The following CNOT10 variants were observed in gnomAD, a reference collection of about 807,000 sequenced individuals.
CNOT10 encodes CCR4-NOT transcription complex, subunit 10.
CNOT10 carries 30 observed loss-of-function variants against 94.6 expected under a neutral mutation model. That is an observed-to-expected ratio of 0.32 (90% CI 0.24 to 0.43). The LOEUF (loss-of-function observed/expected upper bound fraction) is 0.43. Ranked by LOEUF, CNOT10 falls within the 20% of genes least tolerant of loss-of-function variation. The pLI, the probability that CNOT10 is intolerant of heterozygous loss-of-function variation, is 1.00. For synonymous variants in CNOT10, 289 were observed against 301.6 expected, an observed-to-expected ratio of 0.96 and a Z score of 0.43; for missense variants, 759 against 877.2, an observed-to-expected ratio of 0.87 and a Z score of 1.70.
intron 10 of CNOT10, among the ~76,000 whole-genome samples, chr3:32,729,979 G>A (rs973535230): frequency 4.0e-5 from 6 of 150,754 alleles, no homozygotes; most frequent in African/African-American, 9.7e-5. Flanking sequence ...CGTTTTAGCC[G>A]GGATGGTCTC....
At chr3:32,723,601 T>A (rs1174481422) in intron 8 of CNOT10, among the ~76,000 whole-genome samples, 4 of 152,120 alleles carry the variant, frequency 2.6e-5, no homozygotes. Flanking sequence ...CATGGCTAAA[T>A]TTGATCACAT....
At chr3:32,773,210 T>C (rs1268598906) in intron 18 of CNOT10, among the ~76,000 whole-genome samples, 2 of 152,198 alleles carry the variant, frequency 1.3e-5, no homozygotes, top group Non-Finnish European at 2.9e-5. Flanking sequence ...GTTCTCTACC[T>C]GGGCTATACC....
chr3:32,773,252 A>G (rs940622046), intron 18 of CNOT10, among the ~76,000 whole-genome samples: 3 of 152,086 alleles, frequency 2.0e-5, no homozygotes, highest in Non-Finnish European at 4.4e-5. Context: ...TTAAAATTCC[A>G]TTGCCTGGGC....
chr3:32,720,415 ACTT>A (rs1261470335), intron 8 of CNOT10, among the ~76,000 whole-genome samples, 184 bp downstream of exon 8: 1 of 151,822 alleles, frequency 6.6e-6, no homozygotes, highest in Non-Finnish European at 1.5e-5. Context: ...AAACCTCATT[ACTT>A]CTTGCTTTCA....
Position 32,719,607 on chromosome 3 carries a change from T to C in CNOT10, c.745-507T>C, listed in dbSNP as rs552623833. 2.0e-5 allele frequency among the ~76,000 whole-genome samples: 3 copies of C among 152,324 alleles called. No homozygotes were observed. In the South Asian group the frequency reaches 6.2e-4, roughly 32 times the overall value. Reference sequence around the variant, plus strand: ...GTGATCTTTGGAACAGCAAGATTAGTGCTTGCAAATAAGGCATTCTGTTGA... The same window carrying C: ...GTGATCTTTGGAACAGCAAGATTAGCGCTTGCAAATAAGGCATTCTGTTGA... On this transcript the variant is annotated intron_variant, in intron 7 of 18. Transcript: ENST00000328834.
intron 7 of CNOT10, among the ~76,000 whole-genome samples, chr3:32,718,258 CTTTTTTTT>C (rs376879885): frequency 2.6e-5 from 3 of 117,040 alleles, no homozygotes; most frequent in African/African-American, 9.5e-5. Flanking sequence ...CATTATCAAA[CTTTTTTTT>C]TTTTTTTTTT....
At chr3:32,750,847 G>A (rs1172262318) in intron 13 of CNOT10, among the ~76,000 whole-genome samples, 1 of 152,164 alleles carries the variant, frequency 6.6e-6, no homozygotes, top group Non-Finnish European at 1.5e-5. Context: ...ACCGGGCCCA[G>A]CTATATAACA....
intron 12 of CNOT10, among the ~76,000 whole-genome samples, chr3:32,735,916 C>T (rs1358678579): frequency 6.6e-6 from 1 of 151,996 alleles, no homozygotes; most frequent in African/African-American, 2.4e-5. Context: ...GTCTGGGCAG[C>T]ATAGCAAGAC....
At chr3:32,756,728 T>C (rs1700238472) in intron 13 of CNOT10, among the ~76,000 whole-genome samples, 1 of 152,216 alleles carries the variant, frequency 6.6e-6, no homozygotes, top group Admixed American at 6.5e-5. Flanking sequence ...GAGATATTGC[T>C]CTAGTCTGTG....
At chr3:32,703,757 A>G in intron 1 of CNOT10, 111 bp from the exon 2 acceptor site, 1 of 683,212 alleles carries the variant, frequency 1.5e-6, no homozygotes, top group Non-Finnish European at 2.6e-6. Context: ...TCCATCTGAT[A>G]TTTTCATACT....
chr3:32,692,071 C>T (rs1028256311), intron 1 of CNOT10, among the ~76,000 whole-genome samples: 1 of 146,506 alleles, frequency 6.8e-6, no homozygotes, highest in Admixed American at 6.8e-5. Context: ...AAAAAAAAGC[C>T]AATTTCCCGC....
At chr3:32,753,315 A>G in intron 13 of CNOT10, 1 of 1,020,942 alleles carries the variant, frequency 9.8e-7, no homozygotes, top group South Asian at 1.3e-5. Flanking sequence ...TGGACTCATC[A>G]GTCAAAAATC....
chr3:32,726,623 G>C (rs1698677693), intron 9 of CNOT10, among the ~76,000 whole-genome samples: 1 of 151,278 alleles, frequency 6.6e-6, no homozygotes. Flanking sequence ...GTGTACCCAG[G>C]AGGCGGAGCT....
chr3:32,694,824 C>T (rs1318988520), intron 1 of CNOT10, among the ~76,000 whole-genome samples: 1 of 152,088 alleles, frequency 6.6e-6, no homozygotes, highest in Non-Finnish European at 1.5e-5. Context: ...CTCCCCACCT[C>T]GTGATCTGCC....
chr3:32,693,076 T>C (rs1351162360), intron 1 of CNOT10, among the ~76,000 whole-genome samples: 1 of 152,292 alleles, frequency 6.6e-6, no homozygotes, highest in Middle Eastern at 3.4e-3. Flanking sequence ...AGCTTTCCCA[T>C]ATTGACTGTT....
intron 8 of CNOT10, among the ~76,000 whole-genome samples, chr3:32,723,268 C>T (rs2125555901): frequency 6.6e-6 from 1 of 152,072 alleles, no homozygotes; most frequent in South Asian, 2.1e-4. Flanking sequence ...TGGCGGGCGC[C>T]TGTAGTCCCA....
intron 1 of CNOT10, among the ~76,000 whole-genome samples, chr3:32,689,806 T>A (rs890395282): frequency 2.0e-5 from 3 of 151,974 alleles, no homozygotes; most frequent in African/African-American, 7.3e-5. Flanking sequence ...TAAAAAAAAA[T>A]TAGCTAGGCA....
intron 12 of CNOT10, 42 bp from the exon 13 acceptor site, chr3:32,737,368 A>G: frequency 7.3e-7 from 1 of 1,373,310 alleles, no homozygotes; most frequent in Non-Finnish European, 1.0e-6. Context: ...TTAATTATTT[A>G]TTTGTTGCTC....
rs1696546390 is a variant in CNOT10 at position 32,685,283 on chromosome 3, G to T, written c.-178G>T. The T allele has an allele frequency of 3.4e-5, 21 of 617,488 alleles. No homozygotes were observed. The South Asian group carries it at 3.7e-4, about 11-fold the overall frequency. 38.3% of individuals were successfully genotyped at this position (617,488 alleles called of 1,614,324 possible). A position where few individuals can be genotyped will look rare whatever the true frequency, so the allele number is the denominator to read the frequency against. ...AGCTGTTGCTGTTGCTAGACGACGG[G>T]AACTAGCTCTCGTCACTTCCTCAGC... On this transcript the variant is annotated 5_prime_UTR_variant, in exon 1 of 19. Coordinates refer to ENST00000328834, the MANE Select transcript of CNOT10 (RefSeq NM_015442.3).
Sources: allele counts gnomAD v4.1 joint callset (sites outside exome capture counted in the v4.1 genomes callset), GRCh38; gene constraint gnomAD v4.1.1; transcripts MANE v1.5; gene names NCBI Gene and HGNC (gene_info 2026-07-23, HGNC 2026-07-21).